The following SGCD variants were observed in gnomAD, a reference collection of about 807,000 sequenced individuals.
SGCD encodes sarcoglycan delta.
SGCD carries 18 observed loss-of-function variants against 36.6 expected under a neutral mutation model. The ratio of observed to expected loss-of-function variants is 0.49; its 90% CI spans 0.34 to 0.73. The LOEUF is 0.73. Among genes scored for constraint, SGCD ranks in the 30% least tolerant of loss-of-function variants. The probability of loss-of-function intolerance (pLI) is 0.01; values close to 1 mark genes in which losing one functional copy is unlikely to be tolerated. For missense variants in SGCD, 387 were observed against 346.7 expected (o/e 1.12, Z -0.92); for synonymous variants, 133 against 130.6 (o/e 1.02, Z -0.12).
the SGCD span, among the ~76,000 whole-genome samples, chr5:155,861,096 T>C: frequency 6.6e-6 from 1 of 152,184 alleles, no homozygotes; most frequent in Non-Finnish European, 1.5e-5. Flanking sequence ...CATTTATCAC[T>C]TGTTCAACAA....
chr5:156,564,472 T>C (rs760696535), intron 4 of SGCD, among the ~76,000 whole-genome samples: 2 of 152,100 alleles, frequency 1.3e-5, no homozygotes, highest in Non-Finnish European at 2.9e-5. Flanking sequence ...AACAAAACAA[T>C]TTAATTTACG....
intron 1 of SGCD, among the ~76,000 whole-genome samples, chr5:155,954,016 T>G (rs1241228019): frequency 6.6e-6 from 1 of 152,166 alleles, no homozygotes; most frequent in African/African-American, 2.4e-5. Context: ...TTTTTATTAT[T>G]TCGTAGCAGA....
intron 1 of SGCD, among the ~76,000 whole-genome samples, chr5:156,068,466 G>A (rs1289564492): frequency 1.3e-5 from 2 of 152,012 alleles, no homozygotes; most frequent in African/African-American, 4.8e-5. Flanking sequence ...CATTTTTTAT[G>A]GCTGCATAGT....
intron 3 of SGCD, among the ~76,000 whole-genome samples, chr5:156,248,403 C>A (rs1765490897): frequency 6.6e-6 from 1 of 152,076 alleles, no homozygotes; most frequent in African/African-American, 2.4e-5. Context: ...GCCTGTAATT[C>A]CAGCTACTCA....
chr5:156,319,476 T>C (rs1352487495), intron 3 of SGCD, among the ~76,000 whole-genome samples: 2 of 152,254 alleles, frequency 1.3e-5, no homozygotes, highest in Non-Finnish European at 2.9e-5. Flanking sequence ...TTAGTGTTTA[T>C]TCACTTACCA....
intron 1 of SGCD, among the ~76,000 whole-genome samples, chr5:155,953,973 T>A: frequency 6.6e-6 from 1 of 152,210 alleles, no homozygotes. Context: ...GCTGCCTCAC[T>A]GACTAGCTGG....
At chr5:156,524,523 T>C (rs1470606097) in intron 4 of SGCD, among the ~76,000 whole-genome samples, 1 of 151,542 alleles carries the variant, frequency 6.6e-6, no homozygotes, top group East Asian at 1.9e-4. Flanking sequence ...ATATACATCA[T>C]GAAATGACTA....
At chr5:156,222,729 A>G (rs1029368160) in intron 3 of SGCD, among the ~76,000 whole-genome samples, 3 of 152,132 alleles carry the variant, frequency 2.0e-5, no homozygotes, top group Non-Finnish European at 4.4e-5. Context: ...AAAGTAAATA[A>G]CATTTTAAAT....
the SGCD span, among the ~76,000 whole-genome samples, chr5:155,738,553 A>G: frequency 6.6e-6 from 1 of 152,198 alleles, no homozygotes; most frequent in East Asian, 1.9e-4. Flanking sequence ...ATATAAATGT[A>G]CTGAGATTTA....
At chr5:155,829,260 G>A in the SGCD span, among the ~76,000 whole-genome samples, 3 of 152,108 alleles carry the variant, frequency 2.0e-5, no homozygotes, top group Non-Finnish European at 2.9e-5. Flanking sequence ...CTTTGCTTTG[G>A]CATTCATGTC....
At chr5:155,944,883 A>G (rs6894695) in intron 1 of SGCD, among the ~76,000 whole-genome samples, 19,986 of 152,022 alleles carry the variant, frequency 0.13, 1,821 homozygotes, top group African/African-American at 0.26. Context: ...CTTCCCAAAT[A>G]CATGCCTTTG....
chr5:155,947,036 C>T (rs772057161), intron 1 of SGCD, among the ~76,000 whole-genome samples: 13 of 152,192 alleles, frequency 8.5e-5, no homozygotes, highest in Non-Finnish European at 1.8e-4. Flanking sequence ...GTCTGTGACT[C>T]TTCCTATTCT....
intron 6 of SGCD, among the ~76,000 whole-genome samples, chr5:156,596,856 T>A (rs2113396500): frequency 6.6e-6 from 1 of 152,238 alleles, no homozygotes; most frequent in Admixed American, 6.5e-5. Context: ...TGCATATATA[T>A]TCCATCACCT....
intron 3 of SGCD, among the ~76,000 whole-genome samples, chr5:156,497,234 G>A (rs906980272): frequency 6.6e-6 from 1 of 150,812 alleles, no homozygotes; most frequent in Non-Finnish European, 1.5e-5. Context: ...ATTGAGGAAA[G>A]ATGGTTTCTA....
intron 3 of SGCD, among the ~76,000 whole-genome samples, chr5:156,238,526 G>A (rs1025115923): frequency 1.3e-5 from 2 of 152,152 alleles, no homozygotes; most frequent in African/African-American, 4.8e-5. Context: ...TGTGGATAAG[G>A]CCAAGAATAG....
the SGCD span, among the ~76,000 whole-genome samples, chr5:155,739,965 T>C: frequency 6.6e-6 from 1 of 152,232 alleles, no homozygotes; most frequent in Non-Finnish European, 1.5e-5. Context: ...CAATTCTGCC[T>C]CCCTGCCCTA....
intron 3 of SGCD, among the ~76,000 whole-genome samples, chr5:156,414,487 G>T (rs997871345): frequency 6.6e-6 from 1 of 152,196 alleles, no homozygotes; most frequent in Non-Finnish European, 1.5e-5. Flanking sequence ...TATGGAGGAA[G>T]AATTGGCACA....
At chr5:156,250,577 A>G (rs374163008) in intron 3 of SGCD, among the ~76,000 whole-genome samples, 4 of 152,276 alleles carry the variant, frequency 2.6e-5, no homozygotes, top group African/African-American at 7.2e-5. Flanking sequence ...TGGGGATAAA[A>G]AGATAAAGAA....
intron 3 of SGCD, among the ~76,000 whole-genome samples, chr5:156,306,492 C>T (rs1767216894): frequency 6.6e-6 from 1 of 152,152 alleles, no homozygotes; most frequent in Non-Finnish European, 1.5e-5. Flanking sequence ...TTGGGTATGT[C>T]TTTATCAGCA....
Sources: allele counts gnomAD v4.1 joint callset (sites outside exome capture counted in the v4.1 genomes callset), GRCh38; gene constraint gnomAD v4.1.1; transcripts MANE v1.5; gene names NCBI Gene and HGNC (gene_info 2026-07-23, HGNC 2026-07-21).